Variants in LIN28B observed in about 807,000 individuals in gnomAD.
LIN28B encodes protein lin-28 homolog B.
Under a neutral mutation model 21.9 loss-of-function variants are expected in LIN28B, and 5 were observed. The ratio of observed to expected loss-of-function variants is 0.23; its 90% CI spans 0.12 to 0.48. LIN28B has a LOEUF of 0.48. LIN28B is among the 20% of genes least tolerant of loss of function. The pLI is 0.98. For synonymous variants in LIN28B, 109 were observed against 111.3 expected, an observed-to-expected ratio of 0.98 and a Z score of 0.13; for missense variants, 245 against 310.5, an observed-to-expected ratio of 0.79 and a Z score of 1.58.
chr6:105,035,337 C>T lies in LIN28B; in HGVS notation c.383+8855C>T, dbSNP rs115976630. 3.7e-3 allele frequency among the ~76,000 whole-genome samples: 565 copies of T among 152,148 alleles called. 4 individuals carry two copies. Among genetic ancestry groups the T allele is most frequent in the African/African-American group, 0.013 (543 of 41,508 alleles). On this transcript the variant is annotated intron_variant, in intron 3 of 3. Transcript: ENST00000345080. Reference sequence around the variant, plus strand: ...AATAAATAACTGTTTCACCCTGATACTTGTGTGATTAGATTTAGGAATTTG... The same window carrying T: ...AATAAATAACTGTTTCACCCTGATATTTGTGTGATTAGATTTAGGAATTTG...
chr6:104,993,702 G>A (rs1317168857), intron 2 of LIN28B, among the ~76,000 whole-genome samples: 1 of 151,810 alleles, frequency 6.6e-6, no homozygotes, highest in Non-Finnish European at 1.5e-5. Context: ...AGGTGTGGTG[G>A]CATGCATCTG....
intron 2 of LIN28B, among the ~76,000 whole-genome samples, chr6:104,995,990 A>G (rs1770591426): frequency 6.6e-6 from 1 of 150,844 alleles, no homozygotes; most frequent in Non-Finnish European, 1.5e-5. Context: ...TAAAATACAC[A>G]TATATACATA....
chr6:105,037,818 A>G (rs773815149), intron 3 of LIN28B, among the ~76,000 whole-genome samples: 33 of 151,994 alleles, frequency 2.2e-4, no homozygotes, highest in Admixed American at 5.9e-4. Context: ...GCCAAGAGTT[A>G]CAACTTGAAC....
chr6:105,000,669 A>T (rs1770701874), intron 2 of LIN28B, among the ~76,000 whole-genome samples: 1 of 151,578 alleles, frequency 6.6e-6, no homozygotes, highest in Non-Finnish European at 1.5e-5. Context: ...ATAAAAATTT[A>T]AAATATTTAT....
chr6:104,993,619 C>T (rs1026355196), intron 2 of LIN28B, among the ~76,000 whole-genome samples: 2 of 151,874 alleles, frequency 1.3e-5, no homozygotes, highest in Admixed American at 6.6e-5. Context: ...GTGGATTGCT[C>T]GAGGCCAGGA....
intron 3 of LIN28B, among the ~76,000 whole-genome samples, chr6:105,070,480 T>C (rs1772309983): frequency 6.6e-6 from 1 of 152,094 alleles, no homozygotes; most frequent in Non-Finnish European, 1.5e-5. Context: ...GCAAGGTGGC[T>C]AATGCCTGTA....
chr6:105,012,393 C>T (rs1217752907), intron 2 of LIN28B, among the ~76,000 whole-genome samples: 4 of 151,436 alleles, frequency 2.6e-5, no homozygotes, highest in Non-Finnish European at 5.9e-5. Context: ...CGCTTGAACC[C>T]GGGAGGTGGA....
rs114003599 is a variant in LIN28B, at chr6:105,038,568, T to C, written c.383+12086T>C. On this transcript the variant is annotated intron_variant, in intron 3 of 3. Coordinates refer to ENST00000345080, the MANE Select transcript of LIN28B (RefSeq NM_001004317.4). The stretch of plus-strand genomic sequence containing the variant: ...ATGACTTCTTCACTTCCAAATCTTG[T>C]ACAAGTTTCTCTTTTGGTTGACTCT... Among the ~76,000 whole-genome samples the C allele has an allele frequency of 4.2e-3, 640 of 152,272 alleles. 6 individuals carry two copies. Among genetic ancestry groups the C allele is most frequent in the African/African-American group, 0.015 (614 of 41,570 alleles).
intron 1 of LIN28B, 118 bp from the exon 2 acceptor site, chr6:104,957,981 A>ATT: frequency 5.4e-6 from 3 of 554,956 alleles, no homozygotes; most frequent in South Asian, 4.4e-5. Flanking sequence ...ATTAAAAAAA[A>ATT]TTTTTTTTTT....
intron 2 of LIN28B, among the ~76,000 whole-genome samples, chr6:104,963,033 A>G (rs1327549003): frequency 6.6e-6 from 1 of 152,062 alleles, no homozygotes; most frequent in Non-Finnish European, 1.5e-5. Context: ...ATAACATCAC[A>G]TTTAAAGGCA....
chr6:104,987,707 A>G (rs1770375195), intron 2 of LIN28B, among the ~76,000 whole-genome samples: 1 of 152,116 alleles, frequency 6.6e-6, no homozygotes, highest in African/African-American at 2.4e-5. Context: ...TGTCATTTTC[A>G]AATAATAATA....
At chr6:104,953,180 C>G (rs1227771698), upstream of LIN28B, among the ~76,000 whole-genome samples, 1 of 152,122 alleles carries the variant, frequency 6.6e-6, no homozygotes, top group Non-Finnish European at 1.5e-5. Context: ...CGCCCCCAGC[C>G]TTGCGTCCAG....
In LIN28B at chr6:104,940,954, C is replaced by T. The variant is rs369988314; in HGVS notation, c.18+3838C>T. ...CTTCGGGACTGAACGCCACACACGT[C>T]CTCACACCCTCTCCCCCTCTCACAC... On this transcript the variant is annotated intron_variant, in intron 2 of 5. Transcript: ENST00000635857. 2.0e-3 allele frequency: 299 copies of T among 152,494 alleles called. 2 individuals carry two copies. The highest frequency in any genetic ancestry group is 3.3e-3 in the Non-Finnish European group (227 of 68,234). 9.4% of individuals were successfully genotyped at this position (152,494 alleles called of 1,614,324 possible). A position where few individuals can be genotyped will look rare whatever the true frequency, so the allele number is the denominator to read the frequency against.
intron 3 of LIN28B, among the ~76,000 whole-genome samples, chr6:105,036,073 T>A (rs181298720): frequency 2.0e-5 from 3 of 152,320 alleles, no homozygotes; most frequent in African/African-American, 7.2e-5. Context: ...TTAAATTTTG[T>A]CTTTCCCCTT....
At chr6:105,022,469 TTATG>T (rs2114330166) in intron 2 of LIN28B, among the ~76,000 whole-genome samples, 1 of 152,186 alleles carries the variant, frequency 6.6e-6, no homozygotes, top group African/African-American at 2.4e-5. Context: ...GACAAAAAGA[TTATG>T]TATGATCTAA....
In LIN28B at chr6:105,077,229, A is replaced by T. The variant is rs542072705; in HGVS notation, c.384-1185A>T. Among the ~76,000 whole-genome samples the T allele has an allele frequency of 8.2e-4, 124 of 151,930 alleles. 1 individual carries two copies. Among genetic ancestry groups the T allele is most frequent in the Admixed American group, 7.9e-4 (12 of 15,236 alleles). ...AACAGAGAGAGATTCCATCTCAAAA[A>T]ATATATATATATAACCTGTTGTTCT... is the stretch of plus-strand genomic sequence containing the variant. On this transcript the variant is annotated intron_variant, in intron 3 of 3. Coordinates refer to ENST00000345080, the MANE Select transcript of LIN28B (RefSeq NM_001004317.4).
At chr6:105,056,804 C>T (rs1160755828) in intron 3 of LIN28B, among the ~76,000 whole-genome samples, 2 of 152,146 alleles carry the variant, frequency 1.3e-5, no homozygotes, top group Admixed American at 1.3e-4. Context: ...CTTTATGGCT[C>T]ACTGAGATCC....
intron 3 of LIN28B, among the ~76,000 whole-genome samples, chr6:105,062,024 C>T (rs1290367614): frequency 6.6e-6 from 1 of 152,148 alleles, no homozygotes; most frequent in Non-Finnish European, 1.5e-5. Flanking sequence ...GTGTTATACT[C>T]AGGCCATTTA....
chr6:105,012,016 G>T (rs1299783837), intron 2 of LIN28B, among the ~76,000 whole-genome samples: 2 of 151,962 alleles, frequency 1.3e-5, no homozygotes, highest in African/African-American at 2.4e-5. Flanking sequence ...AAATTAGCTG[G>T]GTGTGGTGGC....
Sources: allele counts gnomAD v4.1 joint callset (sites outside exome capture counted in the v4.1 genomes callset), GRCh38; gene constraint gnomAD v4.1.1; transcripts MANE v1.5; gene names NCBI Gene and HGNC (gene_info 2026-07-23, HGNC 2026-07-21).